Variants in COL28A1 observed in about 807,000 individuals in gnomAD.
COL28A1 encodes collagen alpha-1(XXVIII) chain.
Under a neutral mutation model 150.2 loss-of-function variants are expected in COL28A1, and 161 were observed. The ratio of observed to expected loss-of-function variants is 1.07; its 90% CI spans 0.94 to 1.22. COL28A1 has a LOEUF of 1.22. COL28A1 is among the 50% of genes most tolerant of loss of function. The probability of loss-of-function intolerance (pLI) is 0.00; values close to 1 mark genes in which losing one functional copy is unlikely to be tolerated. For synonymous variants in COL28A1, 552 were observed against 469.7 expected, an observed-to-expected ratio of 1.18 and a Z score of -2.26; for missense variants, 1,617 against 1,388.3, an observed-to-expected ratio of 1.16 and a Z score of -2.62.
chr7:7,431,652 A>G (rs1784983479), intron 25 of COL28A1: 1 of 471,014 alleles, frequency 2.1e-6, no homozygotes, highest in Non-Finnish European at 4.4e-6. Context: ...AAAGTCTGAA[A>G]GAGAAGCCAC....
At chr7:7,418,888 C>T (rs1485003785) in intron 26 of COL28A1, among the ~76,000 whole-genome samples, 1 of 152,078 alleles carries the variant, frequency 6.6e-6, no homozygotes, top group Non-Finnish European at 1.5e-5. Context: ...AAATAGCATA[C>T]CGCCAAAATT....
At chr7:7,449,653 G>A (rs1342202807) in intron 18 of COL28A1, among the ~76,000 whole-genome samples, 1 of 151,794 alleles carries the variant, frequency 6.6e-6, no homozygotes, top group Non-Finnish European at 1.5e-5. Context: ...TTCACAGGGT[G>A]GCTGGATACA....
chr7:7,542,401 C>A, the COL28A1 span, among the ~76,000 whole-genome samples: 7 of 152,174 alleles, frequency 4.6e-5, no homozygotes, highest in East Asian at 1.3e-3. Flanking sequence ...TGCAATAGAG[C>A]AAATATGTTC....
chr7:7,497,094 A>AAAGGAAGGAAGAAAGG (rs566791233), intron 11 of COL28A1, among the ~76,000 whole-genome samples: 7 of 123,770 alleles, frequency 5.7e-5, no homozygotes, highest in Admixed American at 8.3e-5. Flanking sequence ...AGGAAGGAAG[A>AAAGGAAGGAAGAAAGG]AAGGAAGGAA....
Position 7,430,514 on chromosome 7 carries a change from A to G in COL28A1, c.1998+1959T>C, listed in dbSNP as rs567328630. Among the ~76,000 whole-genome samples the G allele has an allele frequency of 6.6e-5, 10 of 152,350 alleles. No individual in the cohort carries two copies. In the East Asian group the frequency reaches 1.9e-3, roughly 29 times the overall value. On this transcript the variant is annotated intron_variant, in intron 25 of 34. Transcript: ENST00000399429. ...AAGCAGTAACATAATCGTATAATTT[A>G]ATATAACATCATGTCTAGTTATATA...
intron 27 of COL28A1, among the ~76,000 whole-genome samples, chr7:7,397,284 C>T (rs1032651281): frequency 3.3e-5 from 5 of 152,078 alleles, no homozygotes; most frequent in Non-Finnish European, 7.3e-5. Context: ...TCCATCATCA[C>T]GATGCATCTT....
intron 27 of COL28A1, among the ~76,000 whole-genome samples, chr7:7,400,601 G>C (rs1783116708): frequency 6.6e-6 from 1 of 151,778 alleles, no homozygotes; most frequent in Non-Finnish European, 1.5e-5. Flanking sequence ...CACATGCCTA[G>C]CAACTCCTTC....
chr7:7,508,845 T>C (rs1163856994), intron 9 of COL28A1, among the ~76,000 whole-genome samples: 1 of 152,048 alleles, frequency 6.6e-6, no homozygotes, highest in Non-Finnish European at 1.5e-5. Flanking sequence ...GGTTTTGTTT[T>C]GTTTTTGAGA....
chr7:7,542,561 A>T, the COL28A1 span, among the ~76,000 whole-genome samples: 10 of 152,318 alleles, frequency 6.6e-5, no homozygotes, highest in East Asian at 1.7e-3. Context: ...TATAAAAGAG[A>T]CTTACACAGA....
chr7:7,539,709 A>T (rs1466974764), upstream of COL28A1, among the ~76,000 whole-genome samples: 4 of 152,198 alleles, frequency 2.6e-5, no homozygotes, highest in African/African-American at 9.7e-5. Context: ...CTATGCCCTC[A>T]CCAAATTCTG....
the COL28A1 span, among the ~76,000 whole-genome samples, chr7:7,542,619 G>A: frequency 6.6e-6 from 1 of 152,240 alleles, no homozygotes; most frequent in East Asian, 1.9e-4. Flanking sequence ...TGCAGGAGCA[G>A]AGGATAAACA....
At chr7:7,522,008 T>G (rs1351379567) in intron 4 of COL28A1, 47 bp from the exon 5 acceptor site, 4 of 846,734 alleles carry the variant, frequency 4.7e-6, no homozygotes, top group Non-Finnish European at 8.3e-6. Context: ...GAAATTCAAA[T>G]TGTATGCAGC....
At chr7:7,543,447 T>C in the COL28A1 span, among the ~76,000 whole-genome samples, 7 of 152,244 alleles carry the variant, frequency 4.6e-5, no homozygotes, top group African/African-American at 1.4e-4. Flanking sequence ...ATCTGCATTA[T>C]TGTTTTCTCC....
At chr7:7,464,204 A>G (rs1249614602) in intron 15 of COL28A1, among the ~76,000 whole-genome samples, 1 of 152,216 alleles carries the variant, frequency 6.6e-6, no homozygotes, top group Non-Finnish European at 1.5e-5. Context: ...ACAGCAACAC[A>G]ATAATAGTGG....
At chr7:7,412,786 G>C (rs1357452039) in intron 27 of COL28A1, among the ~76,000 whole-genome samples, 1 of 152,036 alleles carries the variant, frequency 6.6e-6, no homozygotes, top group East Asian at 1.9e-4. Context: ...CTGTGTCCTA[G>C]ACATTTTATA....
rs567518880 is a variant in COL28A1, at chr7:7,448,303, GAA to G, written c.1510-3816_1510-3815del. Among the ~76,000 whole-genome samples the G allele has an allele frequency of 5.2e-3, 793 of 151,926 alleles. 5 individuals are homozygous for G. The highest frequency in any genetic ancestry group is 0.018 in the African/African-American group (759 of 41,442). ...ACAGGAAATCTCAAAAGCAGCCAGA[GAA>G]AAAAAGACATGTTGTGTAGAGAAAC... On this transcript the variant is annotated intron_variant, in intron 18 of 34. Transcript: ENST00000399429.
chr7:7,341,712 T>G, the COL28A1 span, among the ~76,000 whole-genome samples: 1 of 152,176 alleles, frequency 6.6e-6, no homozygotes, highest in African/African-American at 2.4e-5. Context: ...TAATGACTCA[T>G]GAATATTTTA....
At chr7:7,439,478 CAA>C (rs1385720099) in intron 21 of COL28A1, among the ~76,000 whole-genome samples, 1 of 151,558 alleles carries the variant, frequency 6.6e-6, no homozygotes, top group Admixed American at 6.6e-5. Context: ...CTTCTTTTTT[CAA>C]AAAAAGAGGT....
At chr7:7,375,423 T>C in intron 31 of COL28A1, 38 bp downstream of exon 31, 1 of 1,548,656 alleles carries the variant, frequency 6.5e-7, no homozygotes. Flanking sequence ...GTGGGGCTGA[T>C]GCTTTAAAGT....
Sources: allele counts gnomAD v4.1 joint callset (sites outside exome capture counted in the v4.1 genomes callset), GRCh38; gene constraint gnomAD v4.1.1; transcripts MANE v1.5; gene names NCBI Gene and HGNC (gene_info 2026-07-23, HGNC 2026-07-21).